The following CDH4 variants were observed in gnomAD, a reference collection of about 807,000 sequenced individuals.
CDH4 encodes the protein cadherin-4.
A neutral mutation model predicts 86.0 loss-of-function variants in CDH4; 33 were observed. That is an observed-to-expected ratio of 0.38 (90% CI 0.29 to 0.51). CDH4 has a LOEUF of 0.51. CDH4 is among the 20% of genes least tolerant of loss of function. The probability of loss-of-function intolerance (pLI) is 0.86; values close to 1 mark genes in which losing one functional copy is unlikely to be tolerated. For synonymous variants in CDH4, 555 were observed against 549.4 expected (o/e 1.01, Z -0.14); for missense variants, 1,114 against 1,307.4 (o/e 0.85, Z 2.28).
chr20:61,861,568 T>TCATAGAAAACCCAAC (rs1983323312), intron 6 of CDH4, among the ~76,000 whole-genome samples: 3 of 62,706 alleles, frequency 4.8e-5, no homozygotes, highest in African/African-American at 1.0e-4. Context: ...TGGCTGAAAG[T>TCATAGAAAACCCAAC]CACAGAAAAC....
chr20:61,861,575 A>AAACCCAACCACAGAG (rs141040334), intron 6 of CDH4, among the ~76,000 whole-genome samples: 99,886 of 149,296 alleles, frequency 0.67, 37,288 homozygotes, highest in Non-Finnish European at 0.82. Flanking sequence ...AAGTCACAGA[A>AAACCCAACCACAGAG]AACCCAACCA....
intron 8 of CDH4, among the ~76,000 whole-genome samples, chr20:61,909,521 C>T (rs2054826995): frequency 6.6e-6 from 1 of 152,190 alleles, no homozygotes; most frequent in African/African-American, 2.4e-5. Flanking sequence ...CAGGGTCTTG[C>T]TCCCTCTAAA....
intron 2 of CDH4, among the ~76,000 whole-genome samples, chr20:61,422,461 A>AAAAAAAAAAAAC: frequency 1.9e-5 from 1 of 52,550 alleles, no homozygotes; most frequent in Non-Finnish European, 3.6e-5. Flanking sequence ...AAAAAAAAAA[A>AAAAAAAAAAAAC]AAAAAACCAA....
chr20:61,278,427 G>A (rs1248901559), intron 2 of CDH4, among the ~76,000 whole-genome samples: 1 of 152,220 alleles, frequency 6.6e-6, no homozygotes, highest in Non-Finnish European at 1.5e-5. Context: ...TGGAAGTTCT[G>A]ACTCTAGATG....
intron 12 of CDH4, 87 bp from the exon 13 acceptor site, chr20:61,929,522 A>G: frequency 2.1e-6 from 2 of 958,592 alleles, no homozygotes; most frequent in Admixed American, 1.9e-5. Context: ...TTTCCATGCC[A>G]TCGGACTTTT....
intron 2 of CDH4, among the ~76,000 whole-genome samples, chr20:61,460,649 A>G (rs1600695376): frequency 6.6e-6 from 1 of 152,174 alleles, no homozygotes; most frequent in Non-Finnish European, 1.5e-5. Context: ...GGTGGCACCC[A>G]TAGGAGGAAA....
chr20:61,770,383 C>G (rs7354358), intron 3 of CDH4, among the ~76,000 whole-genome samples: 3 of 152,222 alleles, frequency 2.0e-5, no homozygotes, highest in Non-Finnish European at 4.4e-5. Context: ...GTGCAAGGTC[C>G]ATTCTCCACC....
chr20:61,490,797 T>C (rs535674710), intron 2 of CDH4, among the ~76,000 whole-genome samples: 1 of 152,120 alleles, frequency 6.6e-6, no homozygotes, highest in Non-Finnish European at 1.5e-5. Flanking sequence ...AGCACACGGC[T>C]GTCTAATTGT....
chr20:61,367,397 TA>T (rs940741037), intron 2 of CDH4, among the ~76,000 whole-genome samples: 1 of 150,932 alleles, frequency 6.6e-6, no homozygotes, highest in Admixed American at 6.6e-5. Flanking sequence ...TGAAGCCAAT[TA>T]AAAAAAAACA....
Position 61,716,176 on chromosome 20 carries a change from G to A in CDH4, c.170-27387G>A, listed in dbSNP as rs1012844354. On this transcript the variant is annotated intron_variant, in intron 2 of 15. Transcript: ENST00000614565. ...GGTAGATGCTCCTCACCTGTGAGCC[G>A]CCCCTTGGCTGGAGCTATAAAGGGG... Among the ~76,000 whole-genome samples, 51 of 149,746 alleles carry A rather than the reference G, an allele frequency of 3.4e-4. 1 individual carries two copies. Among genetic ancestry groups the A allele is most frequent in the African/African-American group, 1.1e-3 (45 of 40,076 alleles).
chr20:61,361,538 C>A (rs1281718663), intron 2 of CDH4, among the ~76,000 whole-genome samples: 2 of 152,190 alleles, frequency 1.3e-5, no homozygotes, highest in East Asian at 3.9e-4. Flanking sequence ...ATCTGCAGAG[C>A]ATCTGTCTAC....
chr20:61,465,909 TC>T (rs2085469347), intron 2 of CDH4, among the ~76,000 whole-genome samples: 1 of 152,040 alleles, frequency 6.6e-6, no homozygotes, highest in Non-Finnish European at 1.5e-5. Context: ...AGTTTTACTT[TC>T]TAATGTTCTC....
At position 61,811,306 on chromosome 20, in the gene CDH4, C is replaced by A. The variant is rs187971693; in HGVS notation, c.577-33362C>A. Reference sequence around the variant, plus strand: ...AAAGCTGGGATCCACATGCCGGCAGCCCAAGACCGCCCTCATCGGGGGTGG... The same window carrying A: ...AAAGCTGGGATCCACATGCCGGCAGACCAAGACCGCCCTCATCGGGGGTGG... On this transcript the variant is annotated intron_variant, in intron 4 of 15. Transcript: ENST00000614565. The surrounding 1 kb of genome is among the most constrained non-coding windows in gnomAD (Gnocchi z 4.4). Among the ~76,000 whole-genome samples, 9 of 152,218 alleles carry A rather than the reference C, an allele frequency of 5.9e-5. No individual in the cohort carries two copies. Among genetic ancestry groups the A allele is most frequent in the African/African-American group, 2.2e-4 (9 of 41,460 alleles).
chr20:61,889,504 T>TGATG (rs1568868953), intron 7 of CDH4, among the ~76,000 whole-genome samples: 1 of 145,964 alleles, frequency 6.9e-6, no homozygotes, highest in South Asian at 2.2e-4. Context: ...GATGGATGGA[T>TGATG]GATGGATGGA....
Position 61,392,991 on chromosome 20 carries a change from C to T in CDH4, c.169+138054C>T, listed in dbSNP as rs573017674. Among the ~76,000 whole-genome samples, 2 of 152,284 alleles carry T rather than the reference C, an allele frequency of 1.3e-5. No individual in the cohort carries two copies. The highest frequency in any genetic ancestry group is 1.9e-4 in the East Asian group (1 of 5,178). ...CCTCCTGCTTGAGCACATGCCTTGT[C>T]GCTCAGGGCTTGACGGGATAGAAAA... On this transcript the variant is annotated intron_variant, in intron 2 of 15. Coordinates refer to ENST00000614565, the MANE Select transcript of CDH4 (RefSeq NM_001794.5). This position sits in a 1 kb window ranked among gnomAD's most constrained non-coding sequence, Gnocchi z 5.7.
chr20:61,569,643 A>G (rs1306932936), intron 2 of CDH4, among the ~76,000 whole-genome samples: 1 of 152,208 alleles, frequency 6.6e-6, no homozygotes, highest in African/African-American at 2.4e-5. Flanking sequence ...CGAGATTCAT[A>G]TCTAATCTAG....
intron 2 of CDH4, among the ~76,000 whole-genome samples, chr20:61,583,806 G>T (rs568690262): frequency 2.0e-5 from 3 of 152,224 alleles, no homozygotes; most frequent in Non-Finnish European, 4.4e-5. Context: ...ACAGCGTGTC[G>T]CTGGATGGAC....
chr20:61,851,370 G>T (rs1982718667), intron 5 of CDH4, among the ~76,000 whole-genome samples: 1 of 152,170 alleles, frequency 6.6e-6, no homozygotes, highest in Non-Finnish European at 1.5e-5. Flanking sequence ...ACTGGTATAG[G>T]CATGGACACA....
In CDH4 at chr20:61,303,147, C is replaced by T. The variant is rs142322590; in HGVS notation, c.169+48210C>T. Among the ~76,000 whole-genome samples, 39 of 152,344 alleles carry T rather than the reference C, an allele frequency of 2.6e-4. No homozygotes were observed. The East Asian group carries it at 6.2e-3, about 24-fold the overall frequency. Reference sequence around the variant, plus strand: ...ACGGCCACAGTAGGAAGCAGATACACCCTGAGACCCAAAGCATGTGGCTCC... The same window carrying T: ...ACGGCCACAGTAGGAAGCAGATACATCCTGAGACCCAAAGCATGTGGCTCC... On this transcript the variant is annotated intron_variant, in intron 2 of 15. Coordinates refer to ENST00000614565, the MANE Select transcript of CDH4 (RefSeq NM_001794.5).
Sources: allele counts gnomAD v4.1 joint callset (sites outside exome capture counted in the v4.1 genomes callset), GRCh38; gene constraint gnomAD v4.1.1; non-coding constraint Gnocchi (gnomAD v3.1); transcripts MANE v1.5; gene names NCBI Gene and HGNC (gene_info 2026-07-23, HGNC 2026-07-21).